Variants in NETO1 observed in about 807,000 individuals in gnomAD.
NETO1 encodes neuropilin and tolloid-like protein 1.
A neutral mutation model predicts 61.3 loss-of-function variants in NETO1; 26 were observed. That is an observed-to-expected ratio of 0.42 (90% CI 0.31 to 0.59). The LOEUF (loss-of-function observed/expected upper bound fraction) is 0.59. NETO1 is among the 20% of genes least tolerant of loss of function. The probability of loss-of-function intolerance (pLI) is 0.12; values close to 1 mark genes in which losing one functional copy is unlikely to be tolerated. For missense variants in NETO1, 531 were observed against 662.8 expected, an observed-to-expected ratio of 0.80 and a Z score of 2.18; for synonymous variants, 225 against 225.8, an observed-to-expected ratio of 1.00 and a Z score of 0.03.
Position 72,865,494 on chromosome 18 carries a change from C to A in NETO1, c.29-253G>T. The A allele has an allele frequency of 2.7e-6, 4 of 1,505,698 alleles. No homozygotes were observed. The Admixed American group carries it at 7.6e-5, about 28-fold the overall frequency. 93.3% of individuals were successfully genotyped at this position (1,505,698 alleles called of 1,614,324 possible). ...ACTCCTAAGGCAAATACATCATTCA[C>A]TCTAAAGGCAACATGTCAATTTACT... On this transcript the variant is annotated intron_variant, in intron 1 of 10. Transcript: ENST00000327305.
chr18:72,758,078 T>C (rs1370884676), intron 7 of NETO1, among the ~76,000 whole-genome samples: 1 of 152,044 alleles, frequency 6.6e-6, no homozygotes, highest in African/African-American at 2.4e-5. Flanking sequence ...TTTAAACATA[T>C]AAATAAAAAT....
intron 6 of NETO1, among the ~76,000 whole-genome samples, chr18:72,788,906 A>C (rs1375560636): frequency 6.6e-6 from 1 of 152,136 alleles, no homozygotes; most frequent in South Asian, 2.1e-4. Context: ...GAAAATAGAC[A>C]TTATTTGAGG....
chr18:72,826,258 A>G (rs183133753), intron 4 of NETO1, among the ~76,000 whole-genome samples: 323 of 152,234 alleles, frequency 2.1e-3, no homozygotes, highest in Non-Finnish European at 3.0e-3. Flanking sequence ...CATTATTATT[A>G]ATGATTTTTA....
chr18:72,794,063 TA>T, intron 6 of NETO1, 53 bp downstream of exon 6: 1 of 1,611,554 alleles, frequency 6.2e-7, no homozygotes, highest in Admixed American at 1.7e-5. Context: ...CAATGCTTGT[TA>T]TAGACACTTC....
chr18:72,864,665 T>C (rs778170772), intron 3 of NETO1, 143 bp downstream of exon 3: 12 of 1,082,608 alleles, frequency 1.1e-5, no homozygotes, highest in Non-Finnish European at 1.4e-5. Context: ...GATTTTACAG[T>C]TATTGATTCA....
At chr18:72,831,653 G>C (rs184764080) in intron 4 of NETO1, among the ~76,000 whole-genome samples, 2 of 152,152 alleles carry the variant, frequency 1.3e-5, no homozygotes, top group Non-Finnish European at 2.9e-5. Flanking sequence ...GATAATTTTC[G>C]TATCTAAAAT....
chr18:72,790,043 T>A (rs1440560119), intron 6 of NETO1, among the ~76,000 whole-genome samples: 1 of 152,178 alleles, frequency 6.6e-6, no homozygotes, highest in Non-Finnish European at 1.5e-5. Flanking sequence ...ATATTTTTTA[T>A]TTTAATTTGA....
Position 72,794,137 on chromosome 18 carries a change from G to A in NETO1, c.619C>T (p.Arg207Ter). 1.2e-6 allele frequency: 2 copies of A among 1,614,146 alleles called. No individual in the cohort carries two copies. Among genetic ancestry groups the A allele is most frequent in the Non-Finnish European group, 1.7e-6 (2 of 1,180,030 alleles). Residue 207 changes from arginine to a stop codon, truncating the protein, a stop_gained, in exon 6 of 11, where the codon CGA becomes TGA. Coordinates refer to ENST00000327305, the MANE Select transcript of NETO1 (RefSeq NM_138966.5). LOFTEE classifies it high-confidence loss of function. Reference sequence around the variant, plus strand: ...CTGACCTTGGACCGTGGAGGTGCTCGGATGTACCACTTGCAATCAACAGCC... The same window carrying A: ...CTGACCTTGGACCGTGGAGGTGCTCAGATGTACCACTTGCAATCAACAGCC... ...SEAVDCKWYI[R>*]APPRSKIYLR...
At chr18:72,818,404 G>A (rs1259589329) in intron 4 of NETO1, among the ~76,000 whole-genome samples, 1 of 152,130 alleles carries the variant, frequency 6.6e-6, no homozygotes. Context: ...TTTAAGAAAC[G>A]CTACAAAGGC....
At chr18:72,832,760 T>G (rs1047747254) in intron 4 of NETO1, among the ~76,000 whole-genome samples, 7 of 152,206 alleles carry the variant, frequency 4.6e-5, no homozygotes, top group African/African-American at 1.7e-4. Context: ...TACAATTCAC[T>G]TTTTAGTACC....
chr18:72,772,280 G>A (rs757620153), intron 7 of NETO1, among the ~76,000 whole-genome samples: 1 of 152,094 alleles, frequency 6.6e-6, no homozygotes, highest in Non-Finnish European at 1.5e-5. Context: ...AGACCCACTA[G>A]GATAGTTTCC....
chr18:72,859,252 T>C (rs2074497546), intron 3 of NETO1, among the ~76,000 whole-genome samples, 178 bp from the exon 4 acceptor site: 1 of 152,154 alleles, frequency 6.6e-6, no homozygotes, highest in African/African-American at 2.4e-5. Flanking sequence ...CATAAAAATG[T>C]CTAAGGAGTG....
At chr18:72,784,772 T>C (rs1473608740) in intron 6 of NETO1, among the ~76,000 whole-genome samples, 1 of 152,244 alleles carries the variant, frequency 6.6e-6, no homozygotes, top group African/African-American at 2.4e-5. Context: ...ATCACAAGAA[T>C]TCATTCAACC....
At chr18:72,806,830 G>C (rs922232138) in intron 4 of NETO1, among the ~76,000 whole-genome samples, 1 of 152,168 alleles carries the variant, frequency 6.6e-6, no homozygotes, top group Non-Finnish European at 1.5e-5. Context: ...GTCCCATCAT[G>C]TTTGTGTACA....
In NETO1 at chr18:72,784,311, T is replaced by C. The variant is rs368997078; in HGVS notation, c.640-405A>G. On this transcript the variant is annotated intron_variant, in intron 6 of 10. Coordinates refer to ENST00000327305, the MANE Select transcript of NETO1 (RefSeq NM_138966.5). ...TTACTTCCAAAAATGTACAAAAATA[T>C]GTGATTTTTATTAATACCAAAGAAA... Among the ~76,000 whole-genome samples the C allele has an allele frequency of 3.3e-5, 5 of 152,180 alleles. No homozygotes were observed. The East Asian group carries it at 7.7e-4, about 24-fold the overall frequency.
At chr18:72,749,129 G>A (rs1439398699) in intron 9 of NETO1, 41 bp from the exon 10 acceptor site, 2 of 1,158,486 alleles carry the variant, frequency 1.7e-6, no homozygotes, top group African/African-American at 2.6e-5. Context: ...AGTACTATTT[G>A]CACAAAAAAA....
chr18:72,765,222 G>A (rs775486700), intron 7 of NETO1, among the ~76,000 whole-genome samples: 2 of 151,990 alleles, frequency 1.3e-5, no homozygotes, highest in Non-Finnish European at 2.9e-5. Flanking sequence ...ATAACCACCA[G>A]GTCATCCTGC....
intron 9 of NETO1, among the ~76,000 whole-genome samples, chr18:72,749,420 C>T (rs2070516945): frequency 6.6e-6 from 1 of 152,084 alleles, no homozygotes; most frequent in East Asian, 1.9e-4. Flanking sequence ...AATACTACAA[C>T]ACAGATAATA....
At chr18:72,759,111 C>T (rs148203979) in intron 7 of NETO1, among the ~76,000 whole-genome samples, 11 of 152,226 alleles carry the variant, frequency 7.2e-5, no homozygotes, top group East Asian at 1.9e-4. Context: ...CGACGACTTG[C>T]GTGCACTCGG....
Sources: allele counts gnomAD v4.1 joint callset (sites outside exome capture counted in the v4.1 genomes callset), GRCh38; gene constraint gnomAD v4.1.1; transcripts MANE v1.5; gene names NCBI Gene and HGNC (gene_info 2026-07-23, HGNC 2026-07-21).